The following PHC2 variants were observed in gnomAD, a reference collection of about 807,000 sequenced individuals.
PHC2 encodes polyhomeotic-like protein 2.
In PHC2, 29 loss-of-function variants were observed where a neutral mutation model predicts 87.4. The ratio of observed to expected loss-of-function variants is 0.33; its 90% CI spans 0.25 to 0.45. PHC2 has a LOEUF of 0.45. Ranked by LOEUF, PHC2 falls within the 20% of genes least tolerant of loss-of-function variation. PHC2 has a pLI of 1.00. For synonymous variants in PHC2, 438 were observed against 461.7 expected (o/e 0.95, Z 0.66); for missense variants, 857 against 1,136.7 (o/e 0.75, Z 3.54).
intron 7 of PHC2, among the ~76,000 whole-genome samples, chr1:33,360,398 A>T (rs898517060): frequency 3.9e-5 from 6 of 152,278 alleles, no homozygotes; most frequent in African/African-American, 1.4e-4. Context: ...AGGATAGCAT[A>T]AGTGGATAAA....
At chr1:33,372,243 A>C in intron 3 of PHC2, 46 bp downstream of exon 3, 1 of 1,479,676 alleles carries the variant, frequency 6.8e-7, no homozygotes, top group Non-Finnish European at 9.0e-7. Flanking sequence ...TTGCTTCCAC[A>C]ACCAGGATGC....
At chr1:33,372,565 G>A in intron 2 of PHC2, 118 bp from the exon 3 acceptor site, 14 of 822,588 alleles carry the variant, frequency 1.7e-5, no homozygotes, top group South Asian at 1.5e-4. Context: ...ACCAAGATCT[G>A]TGACCACCAC....
intron 1 of PHC2, among the ~76,000 whole-genome samples, chr1:33,386,324 T>C (rs1427118916): frequency 6.6e-6 from 1 of 150,620 alleles, no homozygotes; most frequent in Non-Finnish European, 1.5e-5. Flanking sequence ...AAGACCAGCC[T>C]GGCCAACATA....
intron 14 of PHC2, among the ~76,000 whole-genome samples, chr1:33,328,373 A>AAT (rs1322502731): frequency 2.3e-5 from 3 of 127,800 alleles, no homozygotes; most frequent in African/African-American, 5.7e-5. Flanking sequence ...CATTTTCTTA[A>AAT]TTAAATTTTT....
chr1:33,404,367 A>C (rs1469059448), intron 1 of PHC2, among the ~76,000 whole-genome samples: 1 of 152,098 alleles, frequency 6.6e-6, no homozygotes, highest in African/African-American at 2.4e-5. Context: ...TTCAAAAAAA[A>C]CCCCCACATC....
intron 9 of PHC2, among the ~76,000 whole-genome samples, chr1:33,351,458 T>C (rs1347570257): frequency 6.6e-6 from 1 of 152,226 alleles, no homozygotes; most frequent in African/African-American, 2.4e-5. Flanking sequence ...GCAGTAACTT[T>C]TCCTGTTTTG....
Position 33,332,376 on chromosome 1 carries a change from T to C in PHC2, c.1790A>G (p.Asn597Ser), listed in dbSNP as rs773468717. The change falls in exon 11 of 15, where the codon AAT becomes AGT. Residue 597 changes from asparagine to serine, a missense_variant. Around this residue, in one of 3 missense-constraint regions of PHC2, gnomAD observed 832 missense variants for 1,081.8 expected, o/e 0.77. Transcript: ENST00000683057. This position sits in a 1 kb window ranked among gnomAD's most constrained non-coding sequence, Gnocchi z 4.2. ...CCCCTGTGCATACTTCTTCTTGAGATTCCCCACCAGCAGGGACGAGCGTCC... is the reference window on the plus strand; with the variant it reads ...CCCCTGTGCATACTTCTTCTTGAGACTCCCCACCAGCAGGGACGAGCGTCC... ...PVGRSSLLVGNLKKKYAQGFL... is the reference protein window; with the variant it reads ...PVGRSSLLVGSLKKKYAQGFL... The C allele has an allele frequency of 1.7e-5, 27 of 1,614,096 alleles. No individual in the cohort carries two copies. Among genetic ancestry groups the C allele is most frequent in the Non-Finnish European group, 2.1e-5 (25 of 1,180,000 alleles).
At chr1:33,402,724 C>T (rs191157366) in intron 1 of PHC2, among the ~76,000 whole-genome samples, 1 of 152,060 alleles carries the variant, frequency 6.6e-6, no homozygotes, top group Admixed American at 6.5e-5. Context: ...TCCATTTATA[C>T]AGAGTTCAAA....
In PHC2 at chr1:33,349,830, GGCGGCGGCCGGGGTTGCGCGCGCGCGC is replaced by G; in HGVS notation, c.1558+4544_1558+4570del. The G allele has an allele frequency of 3.1e-6, 3 of 976,346 alleles. No individual in the cohort carries two copies. The highest frequency in any genetic ancestry group is 6.4e-5 in the Admixed American group (1 of 15,684). 60.5% of individuals were successfully genotyped at this position (976,346 alleles called of 1,614,324 possible). On this transcript the variant is annotated intron_variant, in intron 9 of 14. Coordinates refer to ENST00000683057, the MANE Select transcript of PHC2 (RefSeq NM_001385109.1). This position sits in a 1 kb window ranked among gnomAD's most constrained non-coding sequence, Gnocchi z 4.2. ...GGCGCGAGGCCGGGGCGGGAGCGCG[GGCGGCGGCCGGGGTTGCGCGCGCGCGC>G]GCGGCGGGCGCTCGAGGGCTGCAGC...
chr1:33,417,262 A>G (rs753327342), intron 1 of PHC2, among the ~76,000 whole-genome samples: 15 of 152,146 alleles, frequency 9.9e-5, no homozygotes, highest in Non-Finnish European at 2.1e-4. Flanking sequence ...GAAAACAAAC[A>G]GCAAGAATGT....
At chr1:33,394,396 A>G (rs1649211682) in intron 1 of PHC2, among the ~76,000 whole-genome samples, 1 of 152,164 alleles carries the variant, frequency 6.6e-6, no homozygotes, top group Non-Finnish European at 1.5e-5. Flanking sequence ...TAGGCACCAA[A>G]AGGTCTTTAA....
intron 1 of PHC2, among the ~76,000 whole-genome samples, chr1:33,381,630 G>A (rs1215960428): frequency 6.6e-6 from 1 of 151,092 alleles, no homozygotes; most frequent in African/African-American, 2.4e-5. Flanking sequence ...CGACTCCAAA[G>A]CCAGAGCGCT....
chr1:33,420,305 A>G (rs1024542641), intron 1 of PHC2, among the ~76,000 whole-genome samples: 4 of 152,238 alleles, frequency 2.6e-5, no homozygotes, highest in African/African-American at 7.2e-5. Flanking sequence ...AATCTATACA[A>G]TTATGAAACT....
intron 1 of PHC2, among the ~76,000 whole-genome samples, chr1:33,430,124 G>A (rs886465410): frequency 6.6e-6 from 1 of 152,090 alleles, no homozygotes; most frequent in African/African-American, 2.4e-5. Context: ...AGCAGACCTG[G>A]GGAGGGGGGA....
chr1:33,420,648 C>T (rs1297621753), intron 1 of PHC2, among the ~76,000 whole-genome samples: 3 of 151,388 alleles, frequency 2.0e-5, no homozygotes, highest in Non-Finnish European at 4.4e-5. Context: ...TCCTTTTTGT[C>T]ACCCAGGCTG....
At chr1:33,422,493 A>T (rs905431694) in intron 1 of PHC2, among the ~76,000 whole-genome samples, 2 of 152,258 alleles carry the variant, frequency 1.3e-5, no homozygotes, top group Non-Finnish European at 2.9e-5. Flanking sequence ...AGATTTTGTC[A>T]TGGCTTGAAG....
chr1:33,356,249 T>TTATATATATATATATATATATATATA (rs60725677), intron 7 of PHC2, among the ~76,000 whole-genome samples: 3 of 101,542 alleles, frequency 3.0e-5, no homozygotes, highest in Non-Finnish European at 4.3e-5. Flanking sequence ...GTGAAAATTC[T>TTATATATATATATATATATATATATA]TATATATATA....
chr1:33,416,296 G>A (rs4357495), intron 1 of PHC2, among the ~76,000 whole-genome samples: 27,291 of 151,706 alleles, frequency 0.18, 2,835 homozygotes, highest in South Asian at 0.27. Flanking sequence ...GGCCAGGAGC[G>A]GTGGCTCACG....
At chr1:33,358,161 A>T (rs1647128465) in intron 7 of PHC2, among the ~76,000 whole-genome samples, 1 of 152,220 alleles carries the variant, frequency 6.6e-6, no homozygotes, top group Non-Finnish European at 1.5e-5. Flanking sequence ...AAAAAGGATT[A>T]CAGAGGGAAA....
Sources: gnomAD v4.1 joint callset for allele counts (sites outside exome capture counted in the v4.1 genomes callset) on GRCh38, gnomAD v4.1.1 for gene constraint, gnomAD v4.1.1 regional missense constraint, Gnocchi (gnomAD v3.1) non-coding constraint, MANE v1.5 for transcripts, NCBI Gene and HGNC (gene_info 2026-07-23, HGNC 2026-07-21) for gene names.